Variants in ALG1L2 observed in about 807,000 individuals in gnomAD.
ALG1L2 encodes the protein putative glycosyltransferase ALG1L2.
ALG1L2 carries 32 observed loss-of-function variants against 29.0 expected under a neutral mutation model. That is an observed-to-expected ratio of 1.10 (90% CI 0.83 to 1.48). The LOEUF (loss-of-function observed/expected upper bound fraction) is 1.48. ALG1L2 is among the 40% of genes most tolerant of loss of function. The pLI, the probability that ALG1L2 is intolerant of heterozygous loss-of-function variation, is 0.00. For synonymous variants in ALG1L2, 110 were observed against 109.5 expected, an observed-to-expected ratio of 1.00 and a Z score of -0.03; for missense variants, 318 against 274.1, an observed-to-expected ratio of 1.16 and a Z score of -1.13.
chr3:130,094,898 C>T (rs1057389067), intron 5 of ALG1L2, among the ~76,000 whole-genome samples: 85 of 152,226 alleles, frequency 5.6e-4, no homozygotes, highest in African/African-American at 2.0e-3. Context: ...GATGGTTCTC[C>T]TTTGCCTCCG....
chr3:130,091,637 C>T (rs1160435727), intron 2 of ALG1L2: 3 of 574,414 alleles, frequency 5.2e-6, no homozygotes, highest in African/African-American at 1.9e-5. Context: ...AGTATTTACT[C>T]TCTGACCCTT....
intron 1 of ALG1L2, among the ~76,000 whole-genome samples, chr3:130,088,625 C>A (rs796300553): frequency 7.1e-6 from 1 of 141,040 alleles, no homozygotes; most frequent in Non-Finnish European, 1.6e-5. Flanking sequence ...AACATTTTGG[C>A]CAGGCTGGTC....
intron 1 of ALG1L2, chr3:130,090,867 TC>T (rs1348461606): frequency 4.9e-6 from 1 of 203,756 alleles, no homozygotes; most frequent in Non-Finnish European, 1.0e-5. Flanking sequence ...CTAACTGCTT[TC>T]TAAGGATGAA....
intron 1 of ALG1L2, among the ~76,000 whole-genome samples, chr3:130,082,746 A>G (rs1161625108): frequency 2.0e-5 from 3 of 148,542 alleles, no homozygotes; most frequent in Admixed American, 6.8e-5. Context: ...CGCACTCCCC[A>G]TGGCGTGTCT....
At chr3:130,085,971 G>A (rs557150487) in intron 1 of ALG1L2, among the ~76,000 whole-genome samples, 3 of 151,546 alleles carry the variant, frequency 2.0e-5, no homozygotes, top group African/African-American at 7.2e-5. Flanking sequence ...ACAACCACAG[G>A]CAGACATACT....
At chr3:130,083,519 G>A (rs1934829744) in intron 1 of ALG1L2, among the ~76,000 whole-genome samples, 3 of 130,000 alleles carry the variant, frequency 2.3e-5, no homozygotes, top group Non-Finnish European at 3.6e-5. Flanking sequence ...TTTCTGTGAG[G>A]CAAAAAAATG....
chr3:130,097,118 C>T, intron 6 of ALG1L2, 57 bp from the exon 7 acceptor site: 4 of 1,602,208 alleles, frequency 2.5e-6, no homozygotes, highest in Non-Finnish European at 3.4e-6. Flanking sequence ...GCTGGGCACC[C>T]CAGGGGTCTA....
At chr3:130,082,743 C>T (rs1390366603) in intron 1 of ALG1L2, among the ~76,000 whole-genome samples, 1 of 148,610 alleles carries the variant, frequency 6.7e-6, no homozygotes, top group Non-Finnish European at 1.5e-5. Context: ...CACCGCACTC[C>T]CCATGGCGTG....
At position 130,095,989 on chromosome 3, in the gene ALG1L2, G is replaced by T. The variant is rs1335609127; in HGVS notation, c.425-60G>T. 4 of 1,478,588 alleles carry T rather than the reference G, an allele frequency of 2.7e-6. No individual in the cohort carries two copies. In the Admixed American group the frequency reaches 8.3e-5, roughly 31 times the overall value. 91.6% of individuals were successfully genotyped at this position (1,478,588 alleles called of 1,614,324 possible). A position where few individuals can be genotyped will look rare whatever the true frequency, so the allele number is the denominator to read the frequency against. The stretch of plus-strand genomic sequence containing the variant: ...GGGGGGTGTTGCCTCACTGTGCTGG[G>T]AGGATTTGTGTTCCCGGGGCAGAGA... On this transcript the variant is annotated intron_variant, in intron 5 of 7. Coordinates refer to ENST00000425059, the MANE Select transcript of ALG1L2 (RefSeq NM_001136152.1).
intron 1 of ALG1L2, among the ~76,000 whole-genome samples, chr3:130,085,754 G>A (rs552581378): frequency 5.0e-4 from 75 of 150,860 alleles, no homozygotes; most frequent in Non-Finnish European, 8.3e-4. Flanking sequence ...TGAATAAGAC[G>A]ACCTCCACGA....
chr3:130,091,376 G>C lies in ALG1L2; in HGVS notation c.131+5G>C. On this transcript the variant is annotated splice_donor_5th_base_variant and intron_variant, in intron 2 of 7. Coordinates refer to ENST00000425059, the MANE Select transcript of ALG1L2 (RefSeq NM_001136152.1). ...GCACTCTCCGTTCAGGGCCCGGTAG[G>C]CCTCCCACCCTCAGCTGCCTTCTCT... 2 of 1,596,210 alleles carry C rather than the reference G, an allele frequency of 1.3e-6. No homozygotes were observed. Among genetic ancestry groups the C allele is most frequent in the Non-Finnish European group, 1.7e-6 (2 of 1,179,382 alleles).
At chr3:130,084,430 G>A (rs541268358) in intron 1 of ALG1L2, among the ~76,000 whole-genome samples, 1 of 147,706 alleles carries the variant, frequency 6.8e-6, no homozygotes, top group South Asian at 2.2e-4. Context: ...GCAGGCATGA[G>A]AGGTTCCCTA....
chr3:130,097,034 G>C, intron 6 of ALG1L2, 141 bp from the exon 7 acceptor site: 4 of 1,454,166 alleles, frequency 2.8e-6, no homozygotes, highest in South Asian at 2.9e-5. Flanking sequence ...CCAAATCTAA[G>C]AACCACCTCC....
Position 130,098,254 on chromosome 3 carries a change from G to T in ALG1L2, c.647G>T (p.Ter216LeuextTer2). 6.3e-7 allele frequency: 1 copy of T among 1,596,458 alleles called. No individual in the cohort carries two copies. Among genetic ancestry groups the T allele is most frequent in the Non-Finnish European group, 8.5e-7 (1 of 1,179,772 alleles). Residue 216 changes from the stop codon to leucine, a stop_lost, in exon 8 of 8, where the codon TGA becomes TTA. Transcript: ENST00000425059. ...GCAGATGCTTTTCTCAAACTTTCCT[G>T]ATCCTGAAGGCAAGCTAAACCAGTT... ...YFADAFLKLS[*>L]
intron 4 of ALG1L2, among the ~76,000 whole-genome samples, 184 bp downstream of exon 4, chr3:130,093,344 G>A (rs191165607): frequency 6.6e-6 from 1 of 152,200 alleles, no homozygotes; most frequent in East Asian, 1.9e-4. Context: ...CAGCAGGGCA[G>A]GGAGCCCAGA....
At chr3:130,084,542 G>T (rs9883686) in intron 1 of ALG1L2, among the ~76,000 whole-genome samples, 1 of 110,830 alleles carries the variant, frequency 9.0e-6, no homozygotes, top group Non-Finnish European at 2.0e-5. Flanking sequence ...GACAATAACA[G>T]CAGCACTTAT....
intron 5 of ALG1L2, among the ~76,000 whole-genome samples, chr3:130,094,799 G>C (rs1317736421): frequency 6.6e-6 from 1 of 152,244 alleles, no homozygotes; most frequent in Non-Finnish European, 1.5e-5. Context: ...CTGGGCCTGG[G>C]GTTGGGGCCA....
intron 4 of ALG1L2, among the ~76,000 whole-genome samples, chr3:130,093,498 C>T (rs1282123850): frequency 2.0e-5 from 3 of 150,304 alleles, no homozygotes; most frequent in Non-Finnish European, 2.9e-5. Flanking sequence ...GCGATCTCAG[C>T]TCACTGCAAC....
At chr3:130,086,475 T>TAAGGCA (rs1934892684) in intron 1 of ALG1L2, among the ~76,000 whole-genome samples, 1 of 146,938 alleles carries the variant, frequency 6.8e-6, no homozygotes, top group Admixed American at 6.7e-5. Flanking sequence ...AAGATCAGCC[T>TAAGGCA]GGGCAACAAA....
Sources: allele counts gnomAD v4.1 joint callset (sites outside exome capture counted in the v4.1 genomes callset), GRCh38; gene constraint gnomAD v4.1.1; transcripts MANE v1.5; gene names NCBI Gene and HGNC (gene_info 2026-07-23, HGNC 2026-07-21).